The following KDELR2 variants were observed in gnomAD, a reference collection of about 807,000 sequenced individuals.
KDELR2 encodes ER lumen protein-retaining receptor 2.
Under a neutral mutation model 23.9 loss-of-function variants are expected in KDELR2, and 15 were observed. That is an observed-to-expected ratio of 0.63 (90% CI 0.42 to 0.97). KDELR2 has a LOEUF of 0.97. Ranked by LOEUF, KDELR2 falls within the 50% of genes least tolerant of loss-of-function variation. KDELR2 has a pLI of 0.00. For missense variants in KDELR2, 272 were observed against 254.6 expected (o/e 1.07, Z -0.46); for synonymous variants, 119 against 106.2 (o/e 1.12, Z -0.74).
At position 6,463,162 on chromosome 7, in the gene KDELR2, C is replaced by T; in HGVS notation, c.618G>A (p.Lys206=). The T allele has an allele frequency of 6.2e-7, 1 of 1,613,618 alleles. No individual in the cohort carries two copies. Among genetic ancestry groups the T allele is most frequent in the Non-Finnish European group, 8.5e-7 (1 of 1,179,914 alleles). Residue 206 remains lysine, a synonymous_variant, in exon 5 of 5, where the codon AAG becomes AAA. Coordinates refer to ENST00000258739, the MANE Select transcript of KDELR2 (RefSeq NM_006854.4). ...YLYITKVLKG[K]KLSLPA ...GCACTTATGCTGGCAAACTGAGCTTCTTTCCCTTGAGTACTAGAATTTCAA... is the reference window on the plus strand; with the variant it reads ...GCACTTATGCTGGCAAACTGAGCTTTTTTCCCTTGAGTACTAGAATTTCAA...
At chr7:6,481,262 A>C (rs553186924) in intron 1 of KDELR2, among the ~76,000 whole-genome samples, 1 of 150,966 alleles carries the variant, frequency 6.6e-6, no homozygotes, top group Non-Finnish European at 1.5e-5. Context: ...CCAGCTAATC[A>C]GGAGGCTGAG....
At chr7:6,483,792 AC>A (rs1785966926) in intron 1 of KDELR2, among the ~76,000 whole-genome samples, 174 bp downstream of exon 1, 2 of 151,744 alleles carry the variant, frequency 1.3e-5, no homozygotes, top group South Asian at 4.2e-4. Flanking sequence ...CCCGGAGCCC[AC>A]CCCGAGGGCC....
rs758126008 is a variant in KDELR2, at chr7:6,469,697, C to T, written c.250G>A (p.Ala84Thr). The T allele has an allele frequency of 3.1e-6, 5 of 1,614,090 alleles. No homozygotes were observed. The highest frequency in any genetic ancestry group is 2.2e-5 in the South Asian group (2 of 91,076). Residue 84 changes from alanine to threonine, a missense_variant, in exon 3 of 5, where the codon GCA (alanine) becomes ACA (threonine). Transcript: ENST00000258739. ...GTATCATGATTTCCATCGTAGGTTG[C>T]CTTAAATTTCAGGTAGATCAGGTAC... Reference protein sequence around the residue: ...TVYLIYLKFKATYDGNHDTFR... With the variant: ...TVYLIYLKFKTTYDGNHDTFR...
At chr7:6,483,741 G>A (rs1380073382) in intron 1 of KDELR2, among the ~76,000 whole-genome samples, 11 of 152,194 alleles carry the variant, frequency 7.2e-5, no homozygotes, top group African/African-American at 2.7e-4. Flanking sequence ...AGTTCACGCG[G>A]GGACCGACTG....
At chr7:6,478,577 T>C (rs990479327) in intron 1 of KDELR2, among the ~76,000 whole-genome samples, 1 of 152,198 alleles carries the variant, frequency 6.6e-6, no homozygotes, top group African/African-American at 2.4e-5. Flanking sequence ...TACTTTATTA[T>C]AGATATTAAC....
chr7:6,464,179 A>G (rs1300434164), intron 4 of KDELR2, among the ~76,000 whole-genome samples: 57 of 123,466 alleles, frequency 4.6e-4, no homozygotes, highest in Non-Finnish European at 8.0e-5. Flanking sequence ...CCTGGGCAAC[A>G]AGAGCAAAAC....
intron 3 of KDELR2, 115 bp from the exon 4 acceptor site, chr7:6,466,438 G>C (rs1480700085): frequency 6.9e-6 from 9 of 1,313,702 alleles, no homozygotes; most frequent in Non-Finnish European, 2.1e-6. Context: ...AGTGGGGCAT[G>C]TCGGCCCAAA....
Position 6,483,681 on chromosome 7 carries a change from T to A in KDELR2, c.91+286A>T, listed in dbSNP as rs542323830. On this transcript the variant is annotated intron_variant, in intron 1 of 4. Coordinates refer to ENST00000258739, the MANE Select transcript of KDELR2 (RefSeq NM_006854.4). Reference sequence around the variant, plus strand: ...GTCGGACCCCCCGTCCCACGCCAACTTTTCAGACACAGCAGGGCCCCGCGC... The same window carrying A: ...GTCGGACCCCCCGTCCCACGCCAACATTTCAGACACAGCAGGGCCCCGCGC... Among the ~76,000 whole-genome samples the A allele has an allele frequency of 7.9e-5, 12 of 152,288 alleles. No individual in the cohort carries two copies. The East Asian group carries it at 2.1e-3, about 27-fold the overall frequency.
In KDELR2 at chr7:6,466,059, C is replaced by CA; in HGVS notation, c.604+11dup. ...GTCACTCTAGAAACAACGCAGGTCG[C>CA]ACCCAACATACCTTTTGTAATGTAC... On this transcript the variant is annotated intron_variant, in intron 4 of 4. Transcript: ENST00000258739. The CA allele has an allele frequency of 6.2e-7, 1 of 1,612,574 alleles. No individual in the cohort carries two copies. The highest frequency in any genetic ancestry group is 1.3e-5 in the African/African-American group (1 of 74,960).
Position 6,468,222 on chromosome 7 carries a change from G to C in KDELR2, c.351+1374C>G, listed in dbSNP as rs199930340. The stretch of plus-strand genomic sequence containing the variant: ...TTTTTTTACACCAGTCATGAACATT[G>C]CACTAGAGTTTGCCAAACCAGAAAA... On this transcript the variant is annotated intron_variant, in intron 3 of 4. Transcript: ENST00000258739. 3.3e-5 allele frequency among the ~76,000 whole-genome samples: 5 copies of C among 152,236 alleles called. No individual in the cohort carries two copies. In the East Asian group the frequency reaches 9.7e-4, roughly 29 times the overall value.
chr7:6,480,974 G>C (rs1044756310), intron 1 of KDELR2, among the ~76,000 whole-genome samples: 1 of 152,090 alleles, frequency 6.6e-6, no homozygotes, highest in African/African-American at 2.4e-5. Context: ...ACACACACAC[G>C]AAGTTAACTC....
rs775787275 is a variant in KDELR2 at position 6,461,497 on chromosome 7, G to A, written c.*1644C>T. On this transcript the variant is annotated 3_prime_UTR_variant, in exon 5 of 5. Transcript: ENST00000258739. The stretch of plus-strand genomic sequence containing the variant: ...CACACTCCGAATCTTCAAGCAGGAT[G>A]AAAAGAGACCACAGAAACTGAAGCA... 9.9e-5 allele frequency: 15 copies of A among 151,866 alleles called. No homozygotes were observed. The highest frequency in any genetic ancestry group is 1.9e-4 in the African/African-American group (8 of 41,336). 9.4% of individuals were successfully genotyped at this position (151,866 alleles called of 1,614,324 possible).
rs1375939608 is a variant in KDELR2 at position 6,473,407 on chromosome 7, A to G, written c.192+777T>C. ...AGGTGTTCACAAGCATGAATTCAAC[A>G]CTGTGCGAAAGAACTGAAGCTCACG... On this transcript the variant is annotated intron_variant, in intron 2 of 4. Coordinates refer to ENST00000258739, the MANE Select transcript of KDELR2 (RefSeq NM_006854.4). 2.0e-5 allele frequency among the ~76,000 whole-genome samples: 3 copies of G among 152,196 alleles called. No homozygotes were observed. The East Asian group carries it at 5.8e-4, about 29-fold the overall frequency.
intron 1 of KDELR2, 120 bp from the exon 2 acceptor site, chr7:6,474,404 AG>A: frequency 1.5e-6 from 1 of 676,280 alleles, no homozygotes; most frequent in Admixed American, 2.4e-5. Context: ...GCCCAGGTCT[AG>A]GGATGGCTCT....
chr7:6,482,990 G>C (rs924393827), intron 1 of KDELR2, among the ~76,000 whole-genome samples: 10 of 147,960 alleles, frequency 6.8e-5, no homozygotes, highest in Non-Finnish European at 1.4e-4. Context: ...GGGTGACAGA[G>C]CGAGACCCTG....
In KDELR2 at chr7:6,469,689, G is replaced by T; in HGVS notation, c.258C>A (p.Tyr86Ter). ...CTCGGAAGGTATCATGATTTCCATC[G>T]TAGGTTGCCTTAAATTTCAGGTAGA... ...YLIYLKFKAT[Y>*]DGNHDTFRVE... The change falls in exon 3 of 5, where the codon TAC (tyrosine) becomes TAA (stop). Residue 86 changes from tyrosine to a stop codon, truncating the protein, a stop_gained. Transcript: ENST00000258739. LOFTEE classifies it high-confidence loss of function. 6.2e-7 allele frequency: 1 copy of T among 1,614,032 alleles called. No homozygotes were observed. Among genetic ancestry groups the T allele is most frequent in the Non-Finnish European group, 8.5e-7 (1 of 1,179,916 alleles).
chr7:6,462,864 T>A lies in KDELR2; in HGVS notation c.*277A>T, dbSNP rs1351929238. 1.6e-5 allele frequency: 16 copies of A among 1,015,272 alleles called. No individual in the cohort carries two copies. The highest frequency in any genetic ancestry group is 2.0e-5 in the Non-Finnish European group (14 of 715,974). The allele number at this position is 1,015,272 out of a possible 1,614,324, so 62.9% of individuals were successfully genotyped here. ...CACAAAATCTTCACTTTTGGAACTA[T>A]CCCAATTGAAGCTACACACTGAATT... is the stretch of plus-strand genomic sequence containing the variant. On this transcript the variant is annotated 3_prime_UTR_variant, in exon 5 of 5. Transcript: ENST00000258739.
chr7:6,472,895 T>C (rs1253035917), intron 2 of KDELR2, among the ~76,000 whole-genome samples: 2 of 126,792 alleles, frequency 1.6e-5, no homozygotes, highest in South Asian at 4.7e-4. Context: ...AGAGCCCCTG[T>C]TCTTTTTTTT....
In KDELR2 at chr7:6,484,131, G is replaced by T; in HGVS notation, c.-74C>A. 1.7e-6 allele frequency: 2 copies of T among 1,160,292 alleles called. No homozygotes were observed. The highest frequency in any genetic ancestry group is 1.1e-6 in the Non-Finnish European group (1 of 916,524). 71.9% of individuals were successfully genotyped at this position (1,160,292 alleles called of 1,614,324 possible). On this transcript the variant is annotated 5_prime_UTR_variant, in exon 1 of 5. Transcript: ENST00000258739. ...GGCGGCTCAGGAGGCGGCGGCCCCTGAGAGGAAGCGGCGAAGATGGCGAGA... is the reference window on the plus strand; with the variant it reads ...GGCGGCTCAGGAGGCGGCGGCCCCTTAGAGGAAGCGGCGAAGATGGCGAGA...
Sources: allele counts gnomAD v4.1 joint callset (sites outside exome capture counted in the v4.1 genomes callset), GRCh38; gene constraint gnomAD v4.1.1; transcripts MANE v1.5; gene names NCBI Gene and HGNC (gene_info 2026-07-23, HGNC 2026-07-21).